Variants in MYO7B observed in about 807,000 individuals in gnomAD.
The protein encoded by MYO7B is myosin VIIB, also known as unconventional myosin-VIIb.
MYO7B carries 212 observed loss-of-function variants against 259.7 expected under a neutral mutation model. That is an observed-to-expected ratio of 0.82 (90% confidence interval 0.73 to 0.91). MYO7B has a LOEUF of 0.91. Among genes scored for constraint, MYO7B ranks in the 40% least tolerant of loss-of-function variants. The pLI, the probability that MYO7B is intolerant of heterozygous loss-of-function variation, is 0.00. For missense variants in MYO7B, 2,732 were observed against 2,813.5 expected, an observed-to-expected ratio of 0.97 and a Z score of 0.66; for synonymous variants, 1,197 against 1,166.4, an observed-to-expected ratio of 1.03 and a Z score of -0.54.
At position 127,539,718 on chromosome 2, in the gene MYO7B, G is replaced by GT. The variant is rs1231832327; in HGVS notation, c.-24+3893dup. On this transcript the variant is annotated intron_variant, in intron 1 of 47. Coordinates refer to ENST00000409816, the MANE Select transcript of MYO7B (RefSeq NM_001393586.1). This position sits in a 1 kb window ranked among gnomAD's most constrained non-coding sequence, Gnocchi z 4.0. ...ACTCCATAGTTTTTAAGGTACAGGT[G>GT]TTTTTTGGTTACATGGATAAGTTCT... 2.3e-4 allele frequency among the ~76,000 whole-genome samples: 35 copies of GT among 152,162 alleles called. No individual in the cohort carries two copies. Among genetic ancestry groups the GT allele is most frequent in the African/African-American group, 7.7e-4 (32 of 41,504 alleles).
chr2:127,618,417 G>A (rs1244243317), intron 26 of MYO7B, among the ~76,000 whole-genome samples: 2 of 152,180 alleles, frequency 1.3e-5, no homozygotes, highest in Non-Finnish European at 2.9e-5. Flanking sequence ...CAGGGAGGAG[G>A]AGGTAACGAT....
rs200327378 is a variant in MYO7B at position 127,592,876 on chromosome 2, C to T, written c.2075C>T (p.Pro692Leu). The change falls in exon 17 of 48, where the codon CCC becomes CTC. Residue 692 changes from proline (P) to leucine (L), a missense_variant. By Grantham distance (98) the Pro-to-Leu change is moderately conservative (BLOSUM62 -3). Around this residue, in one of 3 missense-constraint regions of MYO7B, gnomAD observed 1,906 missense variants for 2,026.4 expected, o/e 0.94. Transcript: ENST00000409816. ...ETVHIRKSGF[P>L]IRYTFEEFSQ... ...GTGCACATCCGCAAGTCGGGCTTCC[C>T]CATCCGCTACACGTTCGAGGAGTTC... 2 of 1,609,870 alleles carry T rather than the reference C, an allele frequency of 1.2e-6. No homozygotes were observed. The highest frequency in any genetic ancestry group is 1.3e-5 in the African/African-American group (1 of 74,872).
chr2:127,536,958 C>A (rs544233413), intron 1 of MYO7B, among the ~76,000 whole-genome samples: 2 of 152,250 alleles, frequency 1.3e-5, no homozygotes, highest in East Asian at 3.9e-4. Context: ...TGTGGAGAGG[C>A]GGCACCACAG....
chr2:127,614,919 G>A lies in MYO7B; in HGVS notation c.3398+2316G>A, dbSNP rs140890555. On this transcript the variant is annotated intron_variant, in intron 26 of 47. Coordinates refer to ENST00000409816, the MANE Select transcript of MYO7B (RefSeq NM_001393586.1). This position sits in a 1 kb window ranked among gnomAD's most constrained non-coding sequence, Gnocchi z 4.6. ...ATTTGTCCTTGGCTGCAGGGCCTTGGTGAAATTCCCAGACAAAGCAGATGC... is the reference window on the plus strand; with the variant it reads ...ATTTGTCCTTGGCTGCAGGGCCTTGATGAAATTCCCAGACAAAGCAGATGC... Among the ~76,000 whole-genome samples, 1 of 152,168 alleles carries A rather than the reference G, an allele frequency of 6.6e-6. No individual in the cohort carries two copies. Among genetic ancestry groups the A allele is most frequent in the Non-Finnish European group, 1.5e-5 (1 of 68,024 alleles).
intron 18 of MYO7B, among the ~76,000 whole-genome samples, chr2:127,596,214 T>G (rs541103942): frequency 6.6e-6 from 1 of 152,270 alleles, no homozygotes; most frequent in South Asian, 2.1e-4. Flanking sequence ...AGAGTAGAAA[T>G]AAAGGATGCC....
chr2:127,603,957 C>T (rs1457376644), intron 19 of MYO7B, among the ~76,000 whole-genome samples: 6 of 117,186 alleles, frequency 5.1e-5, no homozygotes, highest in Non-Finnish European at 1.3e-4. Flanking sequence ...TATGGTGAAA[C>T]CCCATCTCTA....
intron 9 of MYO7B, among the ~76,000 whole-genome samples, chr2:127,580,513 C>T (rs62156605): frequency 0.012 from 1,896 of 152,326 alleles, 18 homozygotes; most frequent in Non-Finnish European, 0.016. Flanking sequence ...GGGCCCTGGT[C>T]TCCTCAAGAG....
At position 127,539,270 on chromosome 2, in the gene MYO7B, A is replaced by G. The variant is rs1374426406; in HGVS notation, c.-24+3439A>G. ...GACGTAGGATAAATGAAGGTAGGAAAATACACTGCAGCTGGGAAAATGTTA... is the reference window on the plus strand; with the variant it reads ...GACGTAGGATAAATGAAGGTAGGAAGATACACTGCAGCTGGGAAAATGTTA... On this transcript the variant is annotated intron_variant, in intron 1 of 47. Transcript: ENST00000409816. This position sits in a 1 kb window ranked among gnomAD's most constrained non-coding sequence, Gnocchi z 4.0. Among the ~76,000 whole-genome samples, 1 of 152,244 alleles carries G rather than the reference A, an allele frequency of 6.6e-6. No homozygotes were observed. Among genetic ancestry groups the G allele is most frequent in the Non-Finnish European group, 1.5e-5 (1 of 68,040 alleles).
Position 127,576,825 on chromosome 2 carries a change from C to A in MYO7B, c.849+117C>A, listed in dbSNP as rs770703079. On this transcript the variant is annotated intron_variant, in intron 8 of 47. Coordinates refer to ENST00000409816, the MANE Select transcript of MYO7B (RefSeq NM_001393586.1). The surrounding 1 kb of genome is among the most constrained non-coding windows in gnomAD (Gnocchi z 4.9). ...CCCAACGCTGGCCGGGCCCCTGAGG[C>A]GGGGCTGGTTCCCTTTGCCTCTCCT... 2.9e-6 allele frequency: 2 copies of A among 694,914 alleles called. No homozygotes were observed. The highest frequency in any genetic ancestry group is 4.7e-6 in the Non-Finnish European group (2 of 428,104). The allele number at this position is 694,914 out of a possible 1,614,324, so 43.0% of individuals were successfully genotyped here.
intron 35 of MYO7B, 111 bp from the exon 36 acceptor site, chr2:127,630,667 C>T (rs1681427205): frequency 1.3e-6 from 2 of 1,501,824 alleles, no homozygotes; most frequent in Admixed American, 2.0e-5. Flanking sequence ...CCTGTTCAGC[C>T]CTGGGCCTGA....
At chr2:127,601,511 A>C (rs548202636) in intron 19 of MYO7B, among the ~76,000 whole-genome samples, 1 of 151,990 alleles carries the variant, frequency 6.6e-6, no homozygotes, top group African/African-American at 2.4e-5. Context: ...CACAGTTAGG[A>C]TTGCTATGTC....
At chr2:127,630,702 C>T in intron 35 of MYO7B, 76 bp from the exon 36 acceptor site, 1 of 1,583,884 alleles carries the variant, frequency 6.3e-7, no homozygotes, top group South Asian at 1.1e-5. Context: ...CTGAGGCTGC[C>T]AGGCCGGGAG....
intron 5 of MYO7B, 115 bp downstream of exon 5, chr2:127,566,942 T>C: frequency 8.9e-7 from 1 of 1,126,700 alleles, no homozygotes; most frequent in Non-Finnish European, 1.2e-6. Context: ...CACACACCCA[T>C]CTCCACAGCA....
intron 5 of MYO7B, among the ~76,000 whole-genome samples, chr2:127,567,836 G>A (rs1451564582): frequency 6.6e-6 from 1 of 152,122 alleles, no homozygotes; most frequent in African/African-American, 2.4e-5. Context: ...AAATAAGTGC[G>A]TTTTTATGTA....
Position 127,627,695 on chromosome 2 carries a change from G to C in MYO7B, c.4460+385G>C. 1 of 461,518 alleles carries C rather than the reference G, an allele frequency of 2.2e-6. No individual in the cohort carries two copies. The allele number at this position is 461,518 out of a possible 1,614,324, so 28.6% of individuals were successfully genotyped here. A position where few individuals can be genotyped will look rare whatever the true frequency, so the allele number is the denominator to read the frequency against. ...GGGAAGGCGACAAGGGACAGTGCCT[G>C]GTGTGTCCTGGGGCACAGGGCAGGG... On this transcript the variant is annotated intron_variant, in intron 33 of 47. Coordinates refer to ENST00000409816, the MANE Select transcript of MYO7B (RefSeq NM_001393586.1). The surrounding 1 kb of genome is among the most constrained non-coding windows in gnomAD (Gnocchi z 5.6).
rs1381186938 is a variant in MYO7B at position 127,597,353 on chromosome 2, C to G, written c.2339+797C>G. Among the ~76,000 whole-genome samples, 2 of 152,190 alleles carry G rather than the reference C, an allele frequency of 1.3e-5. No individual in the cohort carries two copies. Among genetic ancestry groups the G allele is most frequent in the Non-Finnish European group, 2.9e-5 (2 of 68,032 alleles). On this transcript the variant is annotated intron_variant, in intron 19 of 47. Coordinates refer to ENST00000409816, the MANE Select transcript of MYO7B (RefSeq NM_001393586.1). The surrounding 1 kb of genome is among the most constrained non-coding windows in gnomAD (Gnocchi z 4.8). ...GTAAGAAACAATACAGAGATATTGC[C>G]ATAATCTTCACCCATTTCCCCCAGT...
At chr2:127,562,814 G>A (rs1678162551) in intron 2 of MYO7B, among the ~76,000 whole-genome samples, 1 of 151,996 alleles carries the variant, frequency 6.6e-6, no homozygotes, top group Non-Finnish European at 1.5e-5. Context: ...GTAGAGGCAG[G>A]GTTTCTCCAT....
In MYO7B at chr2:127,632,353, G is replaced by C; in HGVS notation, c.5357G>C (p.Gly1786Ala). The C allele has an allele frequency of 6.3e-7, 1 of 1,597,600 alleles. No homozygotes were observed. The highest frequency in any genetic ancestry group is 8.5e-7 in the Non-Finnish European group (1 of 1,171,644). Residue 1786 changes from glycine (G) to alanine (A), a missense_variant, in exon 39 of 48, where the codon GGG (glycine) becomes GCG (alanine). Gly to Ala is a moderately conservative substitution (Grantham distance 60, BLOSUM62 0). Transcript: ENST00000409816. Reference protein sequence around the residue: ...HAQKFIDTRRGKLLAPDCSRR... With the variant: ...HAQKFIDTRRAKLLAPDCSRR... ...CAGAAGTTTATAGACACTCGGAGGG[G>C]GAAGCTGCTGGCCCCCGACTGCAGC...
intron 12 of MYO7B, among the ~76,000 whole-genome samples, chr2:127,583,443 C>G (rs1278145597): frequency 6.6e-6 from 1 of 152,172 alleles, no homozygotes; most frequent in African/African-American, 2.4e-5. Context: ...AATGCACTCT[C>G]TAAGGCATAG....
Sources: allele counts gnomAD v4.1 joint callset (sites outside exome capture counted in the v4.1 genomes callset), GRCh38; gene constraint gnomAD v4.1.1; regional missense constraint gnomAD v4.1.1; non-coding constraint Gnocchi (gnomAD v3.1); transcripts MANE v1.5; gene names NCBI Gene and HGNC (gene_info 2026-07-23, HGNC 2026-07-21).